Variants in CPHXL observed in about 807,000 individuals in gnomAD.
CPHXL encodes the protein cytoplasmic polyadenylated homeobox-like protein.
At chr16:75,725,841 C>A (rs1959552142) in intron 1 of CPHXL, among the ~76,000 whole-genome samples, 1 of 145,558 alleles carries the variant, frequency 6.9e-6, no homozygotes, top group African/African-American at 2.5e-5. Flanking sequence ...AATTGATCCC[C>A]CTGCTTTGGC....
chr16:75,726,238 A>G (rs1327082081), intron 1 of CPHXL, among the ~76,000 whole-genome samples, 180 bp downstream of exon 1: 1 of 152,182 alleles, frequency 6.6e-6, no homozygotes, highest in Admixed American at 6.5e-5. Flanking sequence ...GCCATTTTAC[A>G]TTTGAAATTC....
chr16:75,714,909 T>A lies in CPHXL; in HGVS notation c.533A>T (p.Lys178Ile). ...QVGPQCSYLE[K>I]PGIPSQQVGS... ...CACCTGTTGACTGGGAATCCCTGGTTTCTCCAGATAAGAGCACTGGGGGCC... is the reference window on the plus strand; with the variant it reads ...CACCTGTTGACTGGGAATCCCTGGTATCTCCAGATAAGAGCACTGGGGGCC... Residue 178 changes from lysine (K) to isoleucine (I), a missense_variant, in exon 3 of 3, where the codon AAA (lysine) becomes ATA (isoleucine). Coordinates refer to ENST00000640559, the MANE Select transcript of CPHXL (RefSeq NM_001355613.1). 2.5e-6 allele frequency: 1 copy of A among 398,652 alleles called. No individual in the cohort carries two copies. Among genetic ancestry groups the A allele is most frequent in the Non-Finnish European group, 4.4e-6 (1 of 226,080 alleles). The allele number at this position is 398,652 out of a possible 1,614,324, so 24.7% of individuals were successfully genotyped here.
chr16:75,725,753 CTTTTTTTTTTTTTT>C (rs35659823), intron 1 of CPHXL, among the ~76,000 whole-genome samples: 16 of 43,318 alleles, frequency 3.7e-4, no homozygotes, highest in East Asian at 3.4e-3. Flanking sequence ...TGCCCGGCGT[CTTTTTTTTTTTTTT>C]TTTTTTTTTT....
In CPHXL at chr16:75,721,285, C is replaced by G. The variant is rs551017048; in HGVS notation, c.26-2827G>C. ...CTTAAATGTAAATGGGCTAAATGCT[C>G]CAATTAAAAGACACACACTGGCAAA... On this transcript the variant is annotated intron_variant, in intron 1 of 2. Coordinates refer to ENST00000640559, the MANE Select transcript of CPHXL (RefSeq NM_001355613.1). 2.8e-3 allele frequency among the ~76,000 whole-genome samples: 420 copies of G among 152,226 alleles called. 1 individual carries two copies. Among genetic ancestry groups the G allele is most frequent in the African/African-American group, 9.7e-3 (401 of 41,518 alleles).
intron 1 of CPHXL, 48 bp from the exon 2 acceptor site, chr16:75,718,506 T>C (rs1959426986): frequency 2.5e-6 from 1 of 398,038 alleles, no homozygotes; most frequent in African/African-American, 2.1e-5. Flanking sequence ...ATATTGGTAA[T>C]AACCAGACCA....
intron 1 of CPHXL, among the ~76,000 whole-genome samples, chr16:75,719,543 G>T (rs1959444127): frequency 6.6e-6 from 1 of 152,164 alleles, no homozygotes. Context: ...CAGGGTGGCA[G>T]CGAGCCTGGA....
In CPHXL at chr16:75,714,334, G is replaced by A; in HGVS notation, c.1108C>T (p.Leu370=). The A allele has an allele frequency of 2.5e-6, 1 of 398,632 alleles. No homozygotes were observed. The highest frequency in any genetic ancestry group is 2.1e-5 in the African/African-American group (1 of 48,750). 24.7% of individuals were successfully genotyped at this position (398,632 alleles called of 1,614,324 possible). A position where few individuals can be genotyped will look rare whatever the true frequency, so the allele number is the denominator to read the frequency against. ...GCTATTTGGAGAGACATGTGCTGCA[G>A]TTGAGAGCACAACGGCTTTCCATTA... The part of the protein sequence containing the change: ...QNNGKPLCSQ[L]QHMSLQIAAD... Residue 370 remains leucine (L), a synonymous_variant, in exon 3 of 3, where the codon CTG becomes TTG. Coordinates refer to ENST00000640559, the MANE Select transcript of CPHXL (RefSeq NM_001355613.1).
rs1010900770 is a variant in CPHXL, at chr16:75,725,706, C to T, written c.25+712G>A. 2.1e-5 allele frequency among the ~76,000 whole-genome samples: 3 copies of T among 142,920 alleles called. 1 individual carries two copies. In the South Asian group the frequency reaches 7.5e-4, roughly 36 times the overall value. 93.8% of individuals were successfully genotyped at this position (142,920 alleles called of 152,430 possible). On this transcript the variant is annotated intron_variant, in intron 1 of 2. Transcript: ENST00000640559. ...TGACCTCGTGATCCACCCGCCTCGG[C>T]CTCACAAAGTGCTGGGATTACAGGA...
At position 75,715,006 on chromosome 16, in the gene CPHXL, ACT is replaced by A. The variant is rs759552171; in HGVS notation, c.434_435del (p.Gln145LeufsTer10). On this transcript the variant is annotated frameshift_variant, in exon 3 of 3. Transcript: ENST00000640559. LOFTEE classifies it low-confidence loss of function (END_TRUNC). Reference protein sequence around the residue: ...RRAGCSHLEKQWIPSQEMGYN... With the variant: ...RRAGCSHLEKXWIPSQEMGYN... ...TAGCCCATTTCTTGACTGGGAATCC[ACT>A]GTTTCTCCAGATGGGAGCAACCAGC... 1.1e-4 allele frequency: 42 copies of A among 398,488 alleles called. No homozygotes were observed. Among genetic ancestry groups the A allele is most frequent in the Non-Finnish European group, 1.7e-4 (38 of 226,068 alleles). The allele number at this position is 398,488 out of a possible 1,614,324, so 24.7% of individuals were successfully genotyped here.
In CPHXL at chr16:75,714,790, GA is replaced by G. The variant is rs1260259757; in HGVS notation, c.651del (p.Pro218GlnfsTer72). 1 of 398,520 alleles carries G rather than the reference GA, an allele frequency of 2.5e-6. No homozygotes were observed. Among genetic ancestry groups the G allele is most frequent in the Non-Finnish European group, 4.4e-6 (1 of 226,094 alleles). 24.7% of individuals were successfully genotyped at this position (398,520 alleles called of 1,614,324 possible). Reference protein sequence around the residue: ...SSYLVTGTEKHPGCAMGYGGD... With the variant: ...SSYLVTGTEKXPGCAMGYGGD... ...CCTCCATACCCCATAGCACAGCCTG[GA>G]TGCTTTTCAGTGCCTGTGACCAGAT... On this transcript the variant is annotated frameshift_variant, in exon 3 of 3. Transcript: ENST00000640559. LOFTEE classifies it low-confidence loss of function (END_TRUNC).
chr16:75,717,561 C>A (rs1959410327), intron 2 of CPHXL, among the ~76,000 whole-genome samples: 1 of 152,080 alleles, frequency 6.6e-6, no homozygotes, highest in Non-Finnish European at 1.5e-5. Flanking sequence ...ATTTCTTATT[C>A]TGTATTGTTT....
intron 1 of CPHXL, 120 bp from the exon 2 acceptor site, chr16:75,718,578 C>G: frequency 2.5e-6 from 1 of 394,592 alleles, no homozygotes. Context: ...ATGAAATCCA[C>G]GTGTGACCTC....
At chr16:75,718,227 A>T in intron 2 of CPHXL, 38 bp downstream of exon 2, 1 of 398,512 alleles carries the variant, frequency 2.5e-6, no homozygotes, top group Non-Finnish European at 4.4e-6. Context: ...TAAAAAAAAA[A>T]AAATCTAGGA....
chr16:75,722,372 G>A (rs1959490582), intron 1 of CPHXL, among the ~76,000 whole-genome samples: 1 of 152,012 alleles, frequency 6.6e-6, no homozygotes, highest in East Asian at 1.9e-4. Flanking sequence ...GACTAATAAA[G>A]AAGAAAAGAG....
At chr16:75,726,317 C>G in intron 1 of CPHXL, 101 bp downstream of exon 1, 1 of 398,220 alleles carries the variant, frequency 2.5e-6, no homozygotes, top group East Asian at 3.6e-5. Context: ...GCTGCTGCTC[C>G]AACAATCTGT....
chr16:75,716,292 C>T (rs1432620307), intron 2 of CPHXL, among the ~76,000 whole-genome samples: 1 of 152,128 alleles, frequency 6.6e-6, no homozygotes, highest in African/African-American at 2.4e-5. Context: ...ACTGTCAGAT[C>T]CCACAGGTCG....
chr16:75,719,770 C>A (rs564863871), intron 1 of CPHXL, among the ~76,000 whole-genome samples: 4 of 152,160 alleles, frequency 2.6e-5, no homozygotes, highest in African/African-American at 9.7e-5. Context: ...TCTCCCAGCA[C>A]GCAGCTGGAG....
intron 1 of CPHXL, among the ~76,000 whole-genome samples, chr16:75,724,052 G>A (rs1959518447): frequency 6.6e-6 from 1 of 152,212 alleles, no homozygotes; most frequent in Non-Finnish European, 1.5e-5. Flanking sequence ...AAATGGTGCT[G>A]GGAAAGTTGG....
At chr16:75,723,044 T>C (rs1256014065) in intron 1 of CPHXL, among the ~76,000 whole-genome samples, 1 of 152,128 alleles carries the variant, frequency 6.6e-6, no homozygotes, top group Non-Finnish European at 1.5e-5. Flanking sequence ...TTGACAAAAT[T>C]CAACACTCCT....
Sources: gnomAD v4.1 joint callset for allele counts (sites outside exome capture counted in the v4.1 genomes callset) on GRCh38, gnomAD v4.1.1 for gene constraint, MANE v1.5 for transcripts, NCBI Gene and HGNC (gene_info 2026-07-23, HGNC 2026-07-21) for gene names.